RBMS3: variants seen among roughly 807,000 people sequenced by gnomAD.
The protein encoded by RBMS3 is RNA-binding motif, single-stranded-interacting protein 3.
In RBMS3, 27 loss-of-function variants were observed where a neutral mutation model predicts 66.8. The ratio of observed to expected loss-of-function variants is 0.40; its 90% CI spans 0.30 to 0.56. The LOEUF is 0.56. Ranked by LOEUF, RBMS3 falls within the 20% of genes least tolerant of loss-of-function variation. The pLI, the probability that RBMS3 is intolerant of heterozygous loss-of-function variation, is 0.40. For synonymous variants in RBMS3, 188 were observed against 183.0 expected (o/e 1.03, Z -0.22); for missense variants, 513 against 549.5 (o/e 0.93, Z 0.66).
intron 4 of RBMS3, among the ~76,000 whole-genome samples, chr3:29,674,337 C>T (rs944563850): frequency 6.6e-6 from 1 of 152,106 alleles, no homozygotes; most frequent in Non-Finnish European, 1.5e-5. Context: ...CCTTTGAAAA[C>T]TGGCACAAGA....
rs10601940 is a variant in RBMS3 at position 29,514,650 on chromosome 3, C to CATATATATATATATATATATAT, written c.307+26160_307+26181dup. 4.0e-3 allele frequency among the ~76,000 whole-genome samples: 418 copies of CATATATATATATATATATATAT among 103,526 alleles called. 4 individuals are homozygous for CATATATATATATATATATATAT. Among genetic ancestry groups the CATATATATATATATATATATAT allele is most frequent in the African/African-American group, 6.0e-3 (130 of 21,530 alleles). The allele number at this position is 103,526 out of a possible 152,430, so 67.9% of individuals were successfully genotyped here. A position where few individuals can be genotyped will look rare whatever the true frequency, so the allele number is the denominator to read the frequency against. On this transcript the variant is annotated intron_variant, in intron 3 of 14. Coordinates refer to ENST00000383767, the MANE Select transcript of RBMS3 (RefSeq NM_001003793.3). Reference sequence around the variant, plus strand: ...TGCATATATATATGTGTGATAGGCACATATATATATATATATATATATATA... The same window carrying CATATATATATATATATATATAT: ...TGCATATATATATGTGTGATAGGCACATATATATATATATATATATATATATATATATATATATATATATATA...
At chr3:29,833,909 A>G (rs897319761) in intron 6 of RBMS3, among the ~76,000 whole-genome samples, 18 of 152,102 alleles carry the variant, frequency 1.2e-4, no homozygotes, top group African/African-American at 4.3e-4. Flanking sequence ...ATCAAAGACA[A>G]AGAGAATTTT....
intron 5 of RBMS3, among the ~76,000 whole-genome samples, chr3:29,750,806 C>A (rs1576694715): frequency 6.6e-6 from 1 of 152,084 alleles, no homozygotes; most frequent in East Asian, 1.9e-4. Flanking sequence ...TTTTAACATA[C>A]CAAATAAGTG....
chr3:30,006,391 T>C lies in RBMS3; in HGVS notation c.*2529T>C, dbSNP rs749328370. On this transcript the variant is annotated 3_prime_UTR_variant, in exon 15 of 15. Coordinates refer to ENST00000383767, the MANE Select transcript of RBMS3 (RefSeq NM_001003793.3). Reference sequence around the variant, plus strand: ...ATGACTCCATATATTTATGGTCACATTGGAGACAAAAGTGTATCCAAGAAA... The same window carrying C: ...ATGACTCCATATATTTATGGTCACACTGGAGACAAAAGTGTATCCAAGAAA... The C allele has an allele frequency of 1.3e-5, 2 of 151,880 alleles. No individual in the cohort carries two copies. Among genetic ancestry groups the C allele is most frequent in the Non-Finnish European group, 2.9e-5 (2 of 67,840 alleles). 9.4% of individuals were successfully genotyped at this position (151,880 alleles called of 1,614,324 possible).
At chr3:29,795,427 C>T (rs1341233146) in intron 6 of RBMS3, among the ~76,000 whole-genome samples, 1 of 152,190 alleles carries the variant, frequency 6.6e-6, no homozygotes, top group Non-Finnish European at 1.5e-5. Context: ...CAAAATACAG[C>T]ATTATTTTCT....
At chr3:29,440,790 C>T (rs1214808242) in intron 2 of RBMS3, among the ~76,000 whole-genome samples, 1 of 152,190 alleles carries the variant, frequency 6.6e-6, no homozygotes, top group Non-Finnish European at 1.5e-5. Context: ...CAAGTGCCAT[C>T]CAGGCTCCGA....
chr3:29,316,944 A>T (rs890326590), intron 1 of RBMS3, among the ~76,000 whole-genome samples: 5 of 151,776 alleles, frequency 3.3e-5, no homozygotes, highest in African/African-American at 1.2e-4. Flanking sequence ...GGAGATATTG[A>T]CATACCAGCA....
intron 1 of RBMS3, among the ~76,000 whole-genome samples, chr3:29,330,214 G>A (rs1467149862): frequency 1.3e-5 from 2 of 151,926 alleles, no homozygotes; most frequent in Admixed American, 6.6e-5. Flanking sequence ...CCACTGTGTG[G>A]GATTGCGGTC....
intron 1 of RBMS3, 128 bp from the exon 2 acceptor site, chr3:29,434,615 A>ATGTG (rs1017464852): frequency 1.6e-6 from 2 of 1,265,756 alleles, no homozygotes; most frequent in African/African-American, 3.0e-5. Flanking sequence ...AGTGATATAA[A>ATGTG]TGTGTGTGTG....
At chr3:29,502,196 A>C (rs1184947208) in intron 3 of RBMS3, among the ~76,000 whole-genome samples, 1 of 152,072 alleles carries the variant, frequency 6.6e-6, no homozygotes, top group Non-Finnish European at 1.5e-5. Context: ...TGCATCTTCA[A>C]CTTTCAATAG....
chr3:29,460,740 T>G (rs2042343412), intron 2 of RBMS3, among the ~76,000 whole-genome samples: 1 of 152,248 alleles, frequency 6.6e-6, no homozygotes, highest in Admixed American at 6.5e-5. Flanking sequence ...GAAATTGTAA[T>G]AATGTGCTTC....
At chr3:29,350,641 T>C (rs1043246028) in intron 1 of RBMS3, among the ~76,000 whole-genome samples, 1 of 152,152 alleles carries the variant, frequency 6.6e-6, no homozygotes, top group Non-Finnish European at 1.5e-5. Context: ...TCTGAAAGTG[T>C]CTGTCTTGAG....
intron 4 of RBMS3, among the ~76,000 whole-genome samples, chr3:29,659,055 A>G (rs545605745): frequency 3.3e-5 from 5 of 152,128 alleles, no homozygotes; most frequent in South Asian, 4.2e-4. Flanking sequence ...CTGACCTCGT[A>G]ATCTGCCCGC....
chr3:29,823,514 A>G (rs2058125795), intron 6 of RBMS3, among the ~76,000 whole-genome samples: 1 of 152,216 alleles, frequency 6.6e-6, no homozygotes, highest in Admixed American at 6.5e-5. Context: ...CAATGCTACT[A>G]TAAAACATTT....
chr3:29,662,718 CT>C (rs897719494), intron 4 of RBMS3, among the ~76,000 whole-genome samples: 1 of 152,164 alleles, frequency 6.6e-6, no homozygotes, highest in Non-Finnish European at 1.5e-5. Flanking sequence ...TTAAACTGCC[CT>C]TCTACAGATT....
At chr3:29,664,692 G>GT (rs1460447732) in intron 4 of RBMS3, among the ~76,000 whole-genome samples, 1 of 150,368 alleles carries the variant, frequency 6.7e-6, no homozygotes, top group Non-Finnish European at 1.5e-5. Flanking sequence ...AAAAAAAAAA[G>GT]TACTTTATTT....
chr3:30,009,091 A>C lies in RBMS3; in HGVS notation c.*5229A>C, dbSNP rs184918159. On this transcript the variant is annotated 3_prime_UTR_variant, in exon 15 of 15. Coordinates refer to ENST00000383767, the MANE Select transcript of RBMS3 (RefSeq NM_001003793.3). ...TTCCACTTAGAAAGCTTTAAAGCTGAAGTAGAGGTGCAGTCAAGCTTGGAT... is the reference window on the plus strand; with the variant it reads ...TTCCACTTAGAAAGCTTTAAAGCTGCAGTAGAGGTGCAGTCAAGCTTGGAT... 166 of 152,278 alleles carry C rather than the reference A, an allele frequency of 1.1e-3. No individual in the cohort carries two copies. Among genetic ancestry groups the C allele is most frequent in the African/African-American group, 4.0e-3 (165 of 41,562 alleles). The allele number at this position is 152,278 out of a possible 1,614,324, so 9.4% of individuals were successfully genotyped here. A position where few individuals can be genotyped will look rare whatever the true frequency, so the allele number is the denominator to read the frequency against.
At chr3:29,577,155 T>C (rs1232006540) in intron 3 of RBMS3, among the ~76,000 whole-genome samples, 1 of 152,108 alleles carries the variant, frequency 6.6e-6, no homozygotes, top group Non-Finnish European at 1.5e-5. Flanking sequence ...TTCCCTTCAA[T>C]GCAGCAGGTT....
intron 1 of RBMS3, among the ~76,000 whole-genome samples, chr3:29,306,816 T>C (rs897048556): frequency 7.2e-5 from 11 of 151,848 alleles, no homozygotes; most frequent in Non-Finnish European, 1.6e-4. Context: ...CTCAGTTCTT[T>C]TTGCCCTGTT....
Sources: allele counts gnomAD v4.1 joint callset (sites outside exome capture counted in the v4.1 genomes callset), GRCh38; gene constraint gnomAD v4.1.1; transcripts MANE v1.5; gene names NCBI Gene and HGNC (gene_info 2026-07-23, HGNC 2026-07-21).